The following MAPT variants were observed in gnomAD, a reference collection of about 807,000 sequenced individuals.
The protein encoded by MAPT is microtubule-associated protein tau.
Under a neutral mutation model 67.9 loss-of-function variants are expected in MAPT, and 34 were observed. That is an observed-to-expected ratio of 0.50 (90% CI 0.38 to 0.67). The LOEUF (loss-of-function observed/expected upper bound fraction) is 0.67. Ranked by LOEUF, MAPT falls within the 30% of genes least tolerant of loss-of-function variation. The pLI, the probability that MAPT is intolerant of heterozygous loss-of-function variation, is 0.00. For synonymous variants in MAPT, 456 were observed against 464.5 expected (o/e 0.98, Z 0.23); for missense variants, 881 against 1,115.2 (o/e 0.79, Z 2.99).
At chr17:45,949,689 G>A (rs1216963426) in intron 1 of MAPT, among the ~76,000 whole-genome samples, 1 of 152,100 alleles carries the variant, frequency 6.6e-6, no homozygotes, top group Non-Finnish European at 1.5e-5. Context: ...AAATAAACAT[G>A]TTATTAATAA....
At chr17:45,990,786 C>A (rs1159976551) in intron 7 of MAPT, among the ~76,000 whole-genome samples, 1 of 152,102 alleles carries the variant, frequency 6.6e-6, no homozygotes, top group African/African-American at 2.4e-5. Context: ...ATGTCAGTTT[C>A]TTTTTTGAGT....
In MAPT at chr17:46,010,278, G is replaced by A. The variant is rs766671376; in HGVS notation, c.1999-32G>A. 1.4e-5 allele frequency: 21 copies of A among 1,459,254 alleles called. No homozygotes were observed. The highest frequency in any genetic ancestry group is 2.0e-5 in the Admixed American group (1 of 50,984). The allele number at this position is 1,459,254 out of a possible 1,614,324, so 90.4% of individuals were successfully genotyped here. On this transcript the variant is annotated intron_variant, in intron 9 of 12. Transcript: ENST00000262410. The surrounding 1 kb of genome is among the most constrained non-coding windows in gnomAD (Gnocchi z 4.7). ...AGCAAGCAGGCGGGTCCAGGGTGGCGTGTCACTCATCCTTTTTTCTGGCTA... is the reference window on the plus strand; with the variant it reads ...AGCAAGCAGGCGGGTCCAGGGTGGCATGTCACTCATCCTTTTTTCTGGCTA...
intron 10 of MAPT, among the ~76,000 whole-genome samples, chr17:46,012,532 C>T (rs1283642763): frequency 1.3e-5 from 2 of 152,126 alleles, no homozygotes; most frequent in Non-Finnish European, 2.9e-5. Context: ...GCACTGGATC[C>T]CTGGCCTGAG....
chr17:45,945,481 G>A (rs577177123), intron 1 of MAPT, among the ~76,000 whole-genome samples: 194 of 152,302 alleles, frequency 1.3e-3, no homozygotes, highest in Middle Eastern at 3.4e-3. Context: ...TCTCAACAGC[G>A]ATGCTACAAA....
intron 5 of MAPT, among the ~76,000 whole-genome samples, chr17:45,986,781 C>T (rs1190457937): frequency 1.3e-5 from 2 of 152,186 alleles, no homozygotes; most frequent in African/African-American, 4.8e-5. Context: ...TGCTGCGTCC[C>T]CTCTGCATGG....
At chr17:45,943,381 C>T (rs150277485) in intron 1 of MAPT, among the ~76,000 whole-genome samples, 17 of 152,158 alleles carry the variant, frequency 1.1e-4, no homozygotes, top group African/African-American at 3.1e-4. Context: ...GTGTGTTCAG[C>T]GGACACTGTT....
At chr17:45,902,082 A>C (rs964285545) in intron 1 of MAPT, among the ~76,000 whole-genome samples, 1 of 151,958 alleles carries the variant, frequency 6.6e-6, no homozygotes, top group South Asian at 2.1e-4. Flanking sequence ...CTTATTTTTT[A>C]ATCTTTTTTT....
At chr17:46,015,455 A>C (rs1282422861) in intron 11 of MAPT, among the ~76,000 whole-genome samples, 1 of 151,690 alleles carries the variant, frequency 6.6e-6, no homozygotes, top group African/African-American at 2.4e-5. Flanking sequence ...GTCAGGAGAT[A>C]TAGACCATCC....
intron 1 of MAPT, among the ~76,000 whole-genome samples, chr17:45,938,971 G>A (rs144654987): frequency 0.035 from 5,370 of 151,928 alleles, 339 homozygotes; most frequent in African/African-American, 0.12. Flanking sequence ...GCACCACCAC[G>A]CCCGACTAAT....
chr17:45,904,396 T>C (rs1057072840), intron 1 of MAPT, among the ~76,000 whole-genome samples: 1 of 85,348 alleles, frequency 1.2e-5, no homozygotes, highest in Non-Finnish European at 2.5e-5. Flanking sequence ...TATATATATA[T>C]ACACATATAT....
At chr17:45,903,809 A>G (rs1453283780) in intron 1 of MAPT, among the ~76,000 whole-genome samples, 1 of 32,416 alleles carries the variant, frequency 3.1e-5, no homozygotes, top group Non-Finnish European at 5.7e-5. Context: ...TTTATATAAT[A>G]TAATATATAA....
chr17:45,907,270 C>T (rs906257065), intron 1 of MAPT, among the ~76,000 whole-genome samples: 2 of 152,230 alleles, frequency 1.3e-5, no homozygotes, highest in Non-Finnish European at 2.9e-5. Context: ...GCCCCACCCC[C>T]TATTTAAATT....
At chr17:45,961,866 GC>G (rs1187920501) in intron 1 of MAPT, among the ~76,000 whole-genome samples, 1 of 150,766 alleles carries the variant, frequency 6.6e-6, no homozygotes, top group African/African-American at 2.4e-5. Context: ...ACCTCCACCT[GC>G]CAGGTTCAAT....
chr17:45,988,351 C>T (rs2145722169), intron 6 of MAPT, among the ~76,000 whole-genome samples: 1 of 152,360 alleles, frequency 6.6e-6, no homozygotes, highest in South Asian at 2.1e-4. Flanking sequence ...CACTTCGAGG[C>T]TTAGCCTCCC....
chr17:45,987,215 A>T, intron 6 of MAPT, 120 bp downstream of exon 6: 1 of 949,718 alleles, frequency 1.1e-6, no homozygotes, highest in Non-Finnish European at 1.7e-6. Flanking sequence ...TACAGCTGTC[A>T]TTTAAAGTGC....
intron 1 of MAPT, among the ~76,000 whole-genome samples, chr17:45,941,153 T>C (rs7210219): frequency 0.21 from 32,697 of 152,192 alleles, 3,964 homozygotes; most frequent in African/African-American, 0.29. Flanking sequence ...CCACAACTCC[T>C]ACCTACGGGA....
intron 12 of MAPT, among the ~76,000 whole-genome samples, chr17:46,019,203 T>C (rs1426682080): frequency 6.6e-6 from 1 of 152,060 alleles, no homozygotes; most frequent in Non-Finnish European, 1.5e-5. Flanking sequence ...CAAGAGAGCG[T>C]GTGCAGGGGA....
chr17:46,002,456 G>A (rs576313781), intron 9 of MAPT, among the ~76,000 whole-genome samples: 1 of 152,208 alleles, frequency 6.6e-6, no homozygotes, highest in Non-Finnish European at 1.5e-5. Context: ...CCCTGTGACT[G>A]CCAGCGGGGA....
At chr17:45,991,727 T>C (rs1251107508) in intron 8 of MAPT, 141 bp downstream of exon 8, 1 of 1,050,348 alleles carries the variant, frequency 9.5e-7, no homozygotes, top group Non-Finnish European at 1.4e-6. Flanking sequence ...AGCACTGGAG[T>C]CTTCATTGCC....
Sources: allele counts gnomAD v4.1 joint callset (sites outside exome capture counted in the v4.1 genomes callset), GRCh38; gene constraint gnomAD v4.1.1; non-coding constraint Gnocchi (gnomAD v3.1); transcripts MANE v1.5; gene names NCBI Gene and HGNC (gene_info 2026-07-23, HGNC 2026-07-21).